The following CTNNA2 variants were observed in gnomAD, a reference collection of about 807,000 sequenced individuals.
The protein encoded by CTNNA2 is catenin alpha 2, also known as catenin alpha-2.
A neutral mutation model predicts 101.0 loss-of-function variants in CTNNA2; 42 were observed. The observed-to-expected ratio is 0.42, with a 90% CI of 0.32 to 0.54. The LOEUF is 0.54. Among genes scored for constraint, CTNNA2 ranks in the 20% least tolerant of loss-of-function variants. The pLI, the probability that CTNNA2 is intolerant of heterozygous loss-of-function variation, is 0.14. For synonymous variants in CTNNA2, 450 were observed against 456.4 expected, an observed-to-expected ratio of 0.99 and a Z score of 0.18; for missense variants, 871 against 1,223.1, an observed-to-expected ratio of 0.71 and a Z score of 4.29.
intron 3 of CTNNA2, among the ~76,000 whole-genome samples, chr2:79,801,055 G>T (rs1487250456): frequency 6.6e-6 from 1 of 152,220 alleles, no homozygotes; most frequent in East Asian, 1.9e-4. Flanking sequence ...AAAGGTAATA[G>T]TAGTTTATGT....
At chr2:79,680,834 T>C (rs1213939002) in intron 2 of CTNNA2, among the ~76,000 whole-genome samples, 1 of 152,196 alleles carries the variant, frequency 6.6e-6, no homozygotes, top group African/African-American at 2.4e-5. Context: ...GTAAACTGGC[T>C]TTTTCATCAG....
At chr2:79,719,817 A>G (rs1266667987) in intron 2 of CTNNA2, among the ~76,000 whole-genome samples, 2 of 152,118 alleles carry the variant, frequency 1.3e-5, no homozygotes, top group African/African-American at 4.8e-5. Flanking sequence ...CATAGTTTGC[A>G]GATATTTTCT....
At chr2:80,604,260 C>A in intron 16 of CTNNA2, 81 bp downstream of exon 16, 2 of 1,013,752 alleles carry the variant, frequency 2.0e-6, no homozygotes, top group Non-Finnish European at 3.1e-6. Context: ...TTTTATGCAC[C>A]CTATAAAATG....
intron 1 of CTNNA2, among the ~76,000 whole-genome samples, chr2:79,527,898 A>G (rs1672512297): frequency 6.6e-6 from 1 of 152,186 alleles, no homozygotes; most frequent in South Asian, 2.1e-4. Context: ...TGATAGCCAA[A>G]AAGTTGAAAA....
rs1303187322 is a variant in CTNNA2 at position 79,474,207 on chromosome 2, C to A, written c.-134-30847C>A. Among the ~76,000 whole-genome samples, 25 of 152,074 alleles carry A rather than the reference C, an allele frequency of 1.6e-4. 1 individual carries two copies. The highest frequency in any genetic ancestry group is 1.6e-3 in the Admixed American group (25 of 15,266). On this transcript the variant is annotated intron_variant, in intron 4 of 21. Coordinates refer to the CTNNA2 transcript ENST00000466387. Reference sequence around the variant, plus strand: ...ATCTTATTTAAAATTCATGTTCATGCCAGCTTTATACGTAATCAGGGAAAA... The same window carrying A: ...ATCTTATTTAAAATTCATGTTCATGACAGCTTTATACGTAATCAGGGAAAA...
chr2:80,642,085 A>T (rs1433424254), intron 18 of CTNNA2, among the ~76,000 whole-genome samples: 1 of 152,178 alleles, frequency 6.6e-6, no homozygotes, highest in African/African-American at 2.4e-5. Context: ...GTCCAAAGTT[A>T]TACTCAGCAT....
chr2:79,300,416 A>G (rs1676081326), intron 2 of CTNNA2, among the ~76,000 whole-genome samples: 1 of 152,220 alleles, frequency 6.6e-6, no homozygotes, highest in South Asian at 2.1e-4. Flanking sequence ...AATAGACCAT[A>G]GAATCCTCCT....
intron 3 of CTNNA2, among the ~76,000 whole-genome samples, chr2:79,787,302 A>AT (rs1360330462): frequency 6.6e-6 from 1 of 152,080 alleles, no homozygotes; most frequent in African/African-American, 2.4e-5. Context: ...AGACCATATG[A>AT]TCTGATCTTT....
chr2:79,611,404 T>C (rs892331175), intron 1 of CTNNA2, among the ~76,000 whole-genome samples: 21 of 152,156 alleles, frequency 1.4e-4, no homozygotes, highest in Non-Finnish European at 1.0e-4. Flanking sequence ...GAAGGTTCTC[T>C]GTTCAGAGCT....
chr2:79,939,640 A>G (rs938150897), intron 7 of CTNNA2, among the ~76,000 whole-genome samples: 1 of 152,214 alleles, frequency 6.6e-6, no homozygotes, highest in Non-Finnish European at 1.5e-5. Context: ...TTTTGTCAAT[A>G]AACTCAATTA....
intron 7 of CTNNA2, among the ~76,000 whole-genome samples, chr2:79,967,338 C>T (rs950974207): frequency 2.0e-5 from 3 of 152,120 alleles, no homozygotes; most frequent in Non-Finnish European, 4.4e-5. Flanking sequence ...GTGCTTGCCT[C>T]CTACCTCACA....
intron 3 of CTNNA2, among the ~76,000 whole-genome samples, chr2:79,837,909 G>A (rs1269911106): frequency 6.6e-6 from 1 of 151,864 alleles, no homozygotes; most frequent in African/African-American, 2.4e-5. Context: ...TTTATTTTTA[G>A]AAAATTACCC....
At chr2:79,866,096 A>G (rs1292323815) in intron 4 of CTNNA2, among the ~76,000 whole-genome samples, 38 of 152,340 alleles carry the variant, frequency 2.5e-4, no homozygotes. Flanking sequence ...ATCTCAAACA[A>G]TATGACACAG....
intron 4 of CTNNA2, among the ~76,000 whole-genome samples, chr2:79,865,874 C>A (rs1682045989): frequency 6.6e-6 from 1 of 152,198 alleles, no homozygotes; most frequent in Non-Finnish European, 1.5e-5. Flanking sequence ...CACCCACCAC[C>A]ACGCCTGGCT....
chr2:79,665,519 G>C (rs1340095808), intron 2 of CTNNA2, among the ~76,000 whole-genome samples: 1 of 152,172 alleles, frequency 6.6e-6, no homozygotes, highest in Non-Finnish European at 1.5e-5. Context: ...CCTCCTCTGA[G>C]AAATGGGACT....
chr2:79,597,864 A>G (rs1227895396), intron 1 of CTNNA2, among the ~76,000 whole-genome samples: 2 of 152,198 alleles, frequency 1.3e-5, no homozygotes, highest in Non-Finnish European at 2.9e-5. Flanking sequence ...GAAATGTATA[A>G]TAACATGTGT....
intron 7 of CTNNA2, among the ~76,000 whole-genome samples, chr2:79,913,981 A>C (rs941972465): frequency 4.0e-5 from 6 of 151,156 alleles, no homozygotes; most frequent in Admixed American, 6.6e-5. Flanking sequence ...TCCCGGCTAA[A>C]ACGGTGAAAC....
chr2:80,053,307 C>T (rs1696997232), intron 7 of CTNNA2, among the ~76,000 whole-genome samples: 1 of 152,076 alleles, frequency 6.6e-6, no homozygotes, highest in South Asian at 2.1e-4. Flanking sequence ...AAAAAGTGGC[C>T]CCAAGATGGT....
intron 2 of CTNNA2, among the ~76,000 whole-genome samples, chr2:79,250,729 A>G (rs1032304125): frequency 3.9e-5 from 6 of 152,146 alleles, no homozygotes; most frequent in African/African-American, 1.4e-4. Context: ...TCACAGCCAT[A>G]TTTTATTTGG....
Sources: allele counts gnomAD v4.1 joint callset (sites outside exome capture counted in the v4.1 genomes callset), GRCh38; gene constraint gnomAD v4.1.1; transcripts MANE v1.5; gene names NCBI Gene and HGNC (gene_info 2026-07-23, HGNC 2026-07-21).